NELL1: variants seen among roughly 807,000 people sequenced by gnomAD.
NELL1 encodes the protein protein kinase C-binding protein NELL1.
In NELL1, 76 loss-of-function variants were observed where a neutral mutation model predicts 107.4. The ratio of observed to expected loss-of-function variants is 0.71; its 90% CI spans 0.59 to 0.86. The LOEUF (loss-of-function observed/expected upper bound fraction) is 0.86, where lower values mean the gene tolerates loss of function less well. Ranked by LOEUF, NELL1 falls within the 40% of genes least tolerant of loss-of-function variation. The pLI is 0.00. For synonymous variants in NELL1, 353 were observed against 341.2 expected (o/e 1.03, Z -0.38); for missense variants, 1,024 against 1,005.5 (o/e 1.02, Z -0.25).
intron 12 of NELL1, among the ~76,000 whole-genome samples, chr11:21,077,613 C>T (rs183760770): frequency 6.1e-4 from 92 of 151,976 alleles, no homozygotes; most frequent in South Asian, 2.3e-3. Flanking sequence ...CGTGGTGGCA[C>T]GTGCCTGTAA....
chr11:20,718,588 A>C (rs187471342), intron 2 of NELL1, among the ~76,000 whole-genome samples: 275 of 152,200 alleles, frequency 1.8e-3, no homozygotes, highest in Non-Finnish European at 2.9e-3. Context: ...CCTTGCTCTC[A>C]AGGGTCTTCC....
chr11:21,553,137 C>G (rs568850879), intron 16 of NELL1, among the ~76,000 whole-genome samples: 3 of 151,904 alleles, frequency 2.0e-5, no homozygotes, highest in Non-Finnish European at 2.9e-5. Context: ...GTGACTAAGA[C>G]CTTTCCTTGG....
intron 2 of NELL1, among the ~76,000 whole-genome samples, chr11:20,709,957 T>G (rs1196834091): frequency 6.6e-6 from 1 of 152,154 alleles, no homozygotes; most frequent in Non-Finnish European, 1.5e-5. Context: ...TGGATGAGTA[T>G]TTAGGGTTCC....
chr11:21,228,145 A>T (rs1022187052), intron 13 of NELL1, among the ~76,000 whole-genome samples: 51 of 152,346 alleles, frequency 3.3e-4, no homozygotes, highest in African/African-American at 1.2e-3. Flanking sequence ...GTGAGAAGTT[A>T]TGCTAGCAGA....
chr11:21,264,282 G>C (rs10500902), intron 14 of NELL1, among the ~76,000 whole-genome samples: 7,556 of 151,824 alleles, frequency 0.05, 242 homozygotes, highest in African/African-American at 0.087. Context: ...TAATCTTTTT[G>C]GCATCTCACT....
chr11:20,915,910 G>A (rs1850245721), intron 5 of NELL1, among the ~76,000 whole-genome samples: 1 of 150,936 alleles, frequency 6.6e-6, no homozygotes, highest in South Asian at 2.1e-4. Flanking sequence ...TTATTCTGGG[G>A]AAGGTGCTGG....
At position 20,901,077 on chromosome 11, in the gene NELL1, A is replaced by G. The variant is rs946615741; in HGVS notation, c.603+15537A>G. Among the ~76,000 whole-genome samples, 5 of 152,146 alleles carry G rather than the reference A, an allele frequency of 3.3e-5. No homozygotes were observed. The East Asian group carries it at 9.6e-4, about 29-fold the overall frequency. ...AATCAGGAACCACACAAGAATGACT[A>G]TTATCAGTGTTTCTATTCAACATTG... On this transcript the variant is annotated intron_variant, in intron 5 of 19. Coordinates refer to ENST00000357134, the MANE Select transcript of NELL1 (RefSeq NM_006157.5).
intron 15 of NELL1, among the ~76,000 whole-genome samples, chr11:21,394,099 T>G (rs1851934519): frequency 6.6e-6 from 1 of 151,642 alleles, no homozygotes; most frequent in African/African-American, 2.4e-5. Flanking sequence ...ATATTGCCTG[T>G]GCCAGGATGG....
At chr11:21,081,645 C>T (rs1051151951) in intron 12 of NELL1, among the ~76,000 whole-genome samples, 4 of 152,146 alleles carry the variant, frequency 2.6e-5, no homozygotes, top group Non-Finnish European at 5.9e-5. Flanking sequence ...CAAGTCTTGT[C>T]TAGTTTCTCT....
At chr11:20,674,866 A>T (rs1030726745) in intron 1 of NELL1, among the ~76,000 whole-genome samples, 9 of 152,340 alleles carry the variant, frequency 5.9e-5, no homozygotes, top group Non-Finnish European at 1.2e-4. Flanking sequence ...CGTCTTAAGG[A>T]TGCCATCGTA....
intron 12 of NELL1, among the ~76,000 whole-genome samples, chr11:21,040,180 G>C (rs1206809339): frequency 1.3e-5 from 2 of 150,750 alleles, no homozygotes; most frequent in African/African-American, 4.9e-5. Flanking sequence ...ATGTGTGTGT[G>C]TGTAAATTTA....
intron 3 of NELL1, among the ~76,000 whole-genome samples, chr11:20,792,453 A>C (rs1857093540): frequency 1.3e-5 from 2 of 151,916 alleles, no homozygotes; most frequent in South Asian, 4.1e-4. Context: ...TGTTTAATAA[A>C]CTGTCTAGTA....
At chr11:20,791,825 G>T (rs893949401) in intron 3 of NELL1, among the ~76,000 whole-genome samples, 1 of 151,178 alleles carries the variant, frequency 6.6e-6, no homozygotes, top group Non-Finnish European at 1.5e-5. Flanking sequence ...GTTATGAAGG[G>T]TGTTGAATTT....
At chr11:21,487,095 T>C (rs1854653196) in intron 15 of NELL1, among the ~76,000 whole-genome samples, 1 of 152,114 alleles carries the variant, frequency 6.6e-6, no homozygotes, top group South Asian at 2.1e-4. Flanking sequence ...AAGATTTAGA[T>C]ATCCAGATAT....
chr11:21,493,990 C>T (rs759592201), intron 15 of NELL1, among the ~76,000 whole-genome samples: 22 of 151,896 alleles, frequency 1.4e-4, no homozygotes, highest in Non-Finnish European at 2.8e-4. Context: ...ACAAACAACA[C>T]CCCAATAATC....
At position 21,013,813 on chromosome 11, in the gene NELL1, C is replaced by A. The variant is rs554299355; in HGVS notation, c.1300+53253C>A. 1.4e-4 allele frequency among the ~76,000 whole-genome samples: 22 copies of A among 152,168 alleles called. No individual in the cohort carries two copies. In the South Asian group the frequency reaches 4.6e-3, roughly 32 times the overall value. ...TATTGTCCTTTATCTGTTCGGTATCCCATTCGGGCTACCACTTATATTTAG... is the reference window on the plus strand; with the variant it reads ...TATTGTCCTTTATCTGTTCGGTATCACATTCGGGCTACCACTTATATTTAG... On this transcript the variant is annotated intron_variant, in intron 12 of 19. Transcript: ENST00000357134.
At chr11:21,120,914 G>A (rs571614081) in intron 13 of NELL1, among the ~76,000 whole-genome samples, 2 of 152,070 alleles carry the variant, frequency 1.3e-5, no homozygotes, top group Admixed American at 1.3e-4. Flanking sequence ...AATTGGCTCT[G>A]TAACCCTCCT....
At chr11:21,472,224 C>T (rs1258559267) in intron 15 of NELL1, among the ~76,000 whole-genome samples, 1 of 151,994 alleles carries the variant, frequency 6.6e-6, no homozygotes, top group African/African-American at 2.4e-5. Context: ...TCAGCAAATA[C>T]CTCCAGTCTC....
chr11:21,224,093 G>A (rs138826229), intron 13 of NELL1, among the ~76,000 whole-genome samples: 2,767 of 152,092 alleles, frequency 0.018, 34 homozygotes, highest in Non-Finnish European at 0.03. Flanking sequence ...TTAGCATTCC[G>A]TCTTTATCTT....
Sources: allele counts gnomAD v4.1 joint callset (sites outside exome capture counted in the v4.1 genomes callset), GRCh38; gene constraint gnomAD v4.1.1; transcripts MANE v1.5; gene names NCBI Gene and HGNC (gene_info 2026-07-23, HGNC 2026-07-21).